Variants in IQSEC1 observed in about 807,000 individuals in gnomAD.
The protein encoded by IQSEC1 is IQ motif and Sec7 domain ArfGEF 1.
IQSEC1 carries 31 observed loss-of-function variants against 91.0 expected under a neutral mutation model. The ratio of observed to expected loss-of-function variants is 0.34; its 90% CI spans 0.26 to 0.46. The LOEUF (loss-of-function observed/expected upper bound fraction) is 0.46, where lower values mean the gene tolerates loss of function less well. Among genes scored for constraint, IQSEC1 ranks in the 20% least tolerant of loss-of-function variants. The pLI is 1.00. For missense variants in IQSEC1, 1,388 were observed against 1,575.6 expected (o/e 0.88, Z 2.02); for synonymous variants, 699 against 662.6 (o/e 1.05, Z -0.84).
intron 1 of IQSEC1, among the ~76,000 whole-genome samples, chr3:12,984,204 T>G (rs1701610668): frequency 6.6e-6 from 1 of 152,192 alleles, no homozygotes; most frequent in South Asian, 2.1e-4. Flanking sequence ...TCCTTTCCCC[T>G]GGGGTTACCA....
At chr3:12,933,229 C>T (rs560204753) in intron 3 of IQSEC1, among the ~76,000 whole-genome samples, 1 of 152,320 alleles carries the variant, frequency 6.6e-6, no homozygotes, top group East Asian at 1.9e-4. Flanking sequence ...CTAGCTAAGA[C>T]CCAGCAATTC....
chr3:13,266,083 A>T (rs189034752), intron 1 of IQSEC1, among the ~76,000 whole-genome samples: 2 of 151,800 alleles, frequency 1.3e-5, no homozygotes, highest in Admixed American at 6.6e-5. Context: ...GAGTGCTCCC[A>T]CACCCCCGGC....
intron 2 of IQSEC1, among the ~76,000 whole-genome samples, chr3:13,149,720 C>T (rs1281771274): frequency 6.6e-6 from 1 of 152,002 alleles, no homozygotes; most frequent in South Asian, 2.1e-4. Context: ...CCTCCCCCAA[C>T]CCCTGTGTTC....
intron 1 of IQSEC1, among the ~76,000 whole-genome samples, chr3:13,072,362 G>A (rs557019117): frequency 1.1e-4 from 17 of 152,354 alleles, no homozygotes; most frequent in African/African-American, 3.8e-4. Flanking sequence ...TAACCGAAGC[G>A]CAGGCTTTGG....
chr3:13,090,549 C>T (rs1312776578), intron 2 of IQSEC1, among the ~76,000 whole-genome samples: 2 of 152,222 alleles, frequency 1.3e-5, no homozygotes, highest in East Asian at 3.9e-4. Context: ...AAGTCCCCCA[C>T]AGGACATGCT....
intron 1 of IQSEC1, among the ~76,000 whole-genome samples, chr3:13,256,787 G>A (rs945542885): frequency 6.6e-6 from 1 of 152,160 alleles, no homozygotes; most frequent in Non-Finnish European, 1.5e-5. Context: ...CAAACACCAT[G>A]GAGAGACGCA....
intron 2 of IQSEC1, among the ~76,000 whole-genome samples, chr3:13,141,422 TC>T (rs1706798224): frequency 6.6e-6 from 1 of 152,104 alleles, no homozygotes; most frequent in Admixed American, 6.5e-5. Flanking sequence ...TCCCGGGGAG[TC>T]CAGAGTGCCC....
At chr3:13,115,960 A>C (rs1277094061) in intron 2 of IQSEC1, among the ~76,000 whole-genome samples, 2 of 152,200 alleles carry the variant, frequency 1.3e-5, no homozygotes, top group Non-Finnish European at 2.9e-5. Flanking sequence ...GAGCCCCCAG[A>C]ATGCTATGAA....
In IQSEC1 at chr3:13,060,738, G is replaced by A. The variant is rs187461032; in HGVS notation, c.23+12254C>T. Among the ~76,000 whole-genome samples the A allele has an allele frequency of 1.1e-4, 16 of 152,326 alleles. No individual in the cohort carries two copies. In the East Asian group the frequency reaches 2.1e-3, roughly 20 times the overall value. ...CTGCCCCCGGCGGGGCTCCAGGACC[G>A]GGAGACTCATCAGCCGGAAGCTCTT... On this transcript the variant is annotated intron_variant, in intron 1 of 13. Transcript: ENST00000613206.
At chr3:13,159,645 A>G (rs1312495099) in intron 2 of IQSEC1, among the ~76,000 whole-genome samples, 3 of 144,584 alleles carry the variant, frequency 2.1e-5, no homozygotes. Context: ...TGAAAAAATA[A>G]GGGCCAATAA....
At position 12,922,246 on chromosome 3, in the gene IQSEC1, G is replaced by A. The variant is rs1314900369; in HGVS notation, c.1731-4C>T. On this transcript the variant is annotated splice_polypyrimidine_tract_variant and splice_region_variant and intron_variant, in intron 4 of 13. Transcript: ENST00000613206. The surrounding 1 kb of genome is among the most constrained non-coding windows in gnomAD (Gnocchi z 5.1). ...GTCCATCTCGTCCACGACGCAGCTGGAATAGAGACAGACAGCCCCGCATAA... is the reference window on the plus strand; with the variant it reads ...GTCCATCTCGTCCACGACGCAGCTGAAATAGAGACAGACAGCCCCGCATAA... 1 of 1,581,000 alleles carries A rather than the reference G, an allele frequency of 6.3e-7. No individual in the cohort carries two copies. Among genetic ancestry groups the A allele is most frequent in the African/African-American group, 1.4e-5 (1 of 74,030 alleles).
At chr3:13,190,852 A>G (rs1310055166) in intron 1 of IQSEC1, among the ~76,000 whole-genome samples, 2 of 152,270 alleles carry the variant, frequency 1.3e-5, no homozygotes, top group South Asian at 2.1e-4. Context: ...GCAGTCCCCA[A>G]ATGGGAGGAG....
chr3:13,125,639 T>C (rs1706500966), intron 2 of IQSEC1, among the ~76,000 whole-genome samples: 1 of 152,192 alleles, frequency 6.6e-6, no homozygotes, highest in Admixed American at 6.5e-5. Context: ...GCCCTCTGGG[T>C]CTTAGTTTCA....
chr3:13,069,173 T>C (rs1436508103), intron 1 of IQSEC1, among the ~76,000 whole-genome samples: 1 of 152,128 alleles, frequency 6.6e-6, no homozygotes, highest in Non-Finnish European at 1.5e-5. Context: ...TTTTTAATAG[T>C]GATCACTGCA....
At chr3:13,053,917 C>T (rs950087186) in intron 1 of IQSEC1, among the ~76,000 whole-genome samples, 2 of 152,178 alleles carry the variant, frequency 1.3e-5, no homozygotes, top group Non-Finnish European at 2.9e-5. Context: ...CTGGGGATAC[C>T]CCAGTGTTAA....
chr3:13,277,137 A>AAAAAAAAAAAC lies in IQSEC1; in HGVS notation c.272+5573_272+5574insGTTTTTTTTTT, dbSNP rs60347391. 3.0e-4 allele frequency among the ~76,000 whole-genome samples: 36 copies of AAAAAAAAAAAC among 118,386 alleles called. 6 individuals are homozygous for AAAAAAAAAAAC. Among genetic ancestry groups the AAAAAAAAAAAC allele is most frequent in the African/African-American group, 1.3e-3 (35 of 27,466 alleles). The allele number at this position is 118,386 out of a possible 152,430, so 77.7% of individuals were successfully genotyped here. A position where few individuals can be genotyped will look rare whatever the true frequency, so the allele number is the denominator to read the frequency against. On this transcript the variant is annotated intron_variant, in intron 1 of 15. Coordinates refer to the IQSEC1 transcript ENST00000648114. The stretch of plus-strand genomic sequence containing the variant: ...AAAAAAAAAAAAAAAAAAAAAAAAA[A>AAAAAAAAAAAC]CAGAAAACAAGACACAAAAGACCGG...
At position 13,154,444 on chromosome 3, in the gene IQSEC1, T is replaced by TAC. The variant is rs1559265481; in HGVS notation, c.302+9659_302+9660insGT. On this transcript the variant is annotated intron_variant, in intron 2 of 15. Coordinates refer to the IQSEC1 transcript ENST00000648114. ...GGAAGCTGGAACTTACATGCATATA[T>TAC]ATATATATATATATATATATATATA... Among the ~76,000 whole-genome samples, 280 of 55,268 alleles carry TAC rather than the reference T, an allele frequency of 5.1e-3. 28 individuals are homozygous for TAC. The highest frequency in any genetic ancestry group is 0.015 in the East Asian group (17 of 1,146). 36.3% of individuals were successfully genotyped at this position (55,268 alleles called of 152,430 possible).
intron 1 of IQSEC1, among the ~76,000 whole-genome samples, chr3:13,047,286 G>A (rs1704533049): frequency 6.6e-6 from 1 of 152,200 alleles, no homozygotes; most frequent in Non-Finnish European, 1.5e-5. Context: ...GATTTGAGGG[G>A]AAACCACTCC....
At position 12,897,779 on chromosome 3, in the gene IQSEC1, T is replaced by C. The variant is rs1693793840; in HGVS notation, c.*3204A>G. ...TCAGCTGTGAACATCTGCTGTCTTT[T>C]CAGCTCATTAAGAAAAACAAGAGGC... On this transcript the variant is annotated 3_prime_UTR_variant, in exon 14 of 14. Coordinates refer to ENST00000613206, the MANE Select transcript of IQSEC1 (RefSeq NM_001134382.3). 1.3e-5 allele frequency: 2 copies of C among 152,228 alleles called. No homozygotes were observed. The highest frequency in any genetic ancestry group is 4.8e-5 in the African/African-American group (2 of 41,452). The allele number at this position is 152,228 out of a possible 1,614,324, so 9.4% of individuals were successfully genotyped here.
Sources: gnomAD v4.1 joint callset for allele counts (sites outside exome capture counted in the v4.1 genomes callset) on GRCh38, gnomAD v4.1.1 for gene constraint, Gnocchi (gnomAD v3.1) non-coding constraint, MANE v1.5 for transcripts, NCBI Gene and HGNC (gene_info 2026-07-23, HGNC 2026-07-21) for gene names.